KIAA0040: variants seen among roughly 807,000 people sequenced by gnomAD.
KIAA0040 encodes KIAA0040, also known as uncharacterized protein KIAA0040.
KIAA0040 carries 10 observed loss-of-function variants against 7.2 expected under a neutral mutation model. That is an observed-to-expected ratio of 1.38 (90% CI 0.85 to 2.34). KIAA0040 has a LOEUF of 2.34. Ranked by LOEUF, KIAA0040 falls within the 30% of genes most tolerant of loss-of-function variation. KIAA0040 has a pLI of 0.00. For missense variants in KIAA0040, 89 were observed against 108.2 expected (o/e 0.82, Z 0.79); for synonymous variants, 49 against 40.1 (o/e 1.22, Z -0.84).
chr1:175,180,396 C>T (rs575640126), intron 1 of KIAA0040, among the ~76,000 whole-genome samples: 2 of 152,304 alleles, frequency 1.3e-5, no homozygotes, highest in East Asian at 1.9e-4. Context: ...AGGTCTCATA[C>T]CTAATAAAAG....
At chr1:175,185,708 A>G (rs1409250203) in intron 1 of KIAA0040, among the ~76,000 whole-genome samples, 1 of 152,262 alleles carries the variant, frequency 6.6e-6, no homozygotes, top group Admixed American at 6.5e-5. Flanking sequence ...TTTATGCCCA[A>G]AAGAACTGAA....
chr1:175,181,092 T>G (rs538263129), intron 1 of KIAA0040, among the ~76,000 whole-genome samples: 16 of 152,324 alleles, frequency 1.1e-4, no homozygotes, highest in African/African-American at 2.9e-4. Flanking sequence ...CCTGAAGTTA[T>G]CCTCCTGCCT....
In KIAA0040 at chr1:175,157,407, G is replaced by A. The variant is rs1571176227; in HGVS notation, c.*3307C>T. The A allele has an allele frequency of 6.6e-6, 1 of 152,372 alleles. No individual in the cohort carries two copies. Among genetic ancestry groups the A allele is most frequent in the East Asian group, 1.9e-4 (1 of 5,182 alleles). 9.4% of individuals were successfully genotyped at this position (152,372 alleles called of 1,614,324 possible). ...GACCTATGACTCTACCATGGCGAAG[G>A]CGGTGACCAGGGAGGGCTGGGACAT... On this transcript the variant is annotated 3_prime_UTR_variant, in exon 4 of 4. Transcript: ENST00000423313.
At position 175,160,809 on chromosome 1, in the gene KIAA0040, TCTTCTTCTTG is replaced by T. The variant is rs386636937; in HGVS notation, c.195_204del (p.Asn65LysfsTer34). ...TCATCCTTCTTCTTCTTCTTCTTCTTCTTCTTCTTGTTCTTCTCTGGCTGCTGGCCCCTCT... is the reference window on the plus strand; with the variant it reads ...TCATCCTTCTTCTTCTTCTTCTTCTTTTCTTCTCTGGCTGCTGGCCCCTCT... On this transcript the variant is annotated frameshift_variant, in exon 4 of 4. Transcript: ENST00000423313. LOFTEE classifies it high-confidence loss of function. 2 of 1,445,110 alleles carry T rather than the reference TCTTCTTCTTG, an allele frequency of 1.4e-6. No individual in the cohort carries two copies. Among genetic ancestry groups the T allele is most frequent in the Non-Finnish European group, 1.8e-6 (2 of 1,084,588 alleles). The allele number at this position is 1,445,110 out of a possible 1,614,324, so 89.5% of individuals were successfully genotyped here.
intron 1 of KIAA0040, among the ~76,000 whole-genome samples, chr1:175,191,404 T>C (rs1020766347): frequency 1.3e-5 from 2 of 152,352 alleles, no homozygotes; most frequent in South Asian, 4.1e-4. Context: ...ACAACGCATC[T>C]CTTTCCTAAA....
intron 3 of KIAA0040, among the ~76,000 whole-genome samples, chr1:175,165,535 T>C (rs185519881): frequency 6.6e-6 from 1 of 152,334 alleles, no homozygotes; most frequent in Non-Finnish European, 1.5e-5. Flanking sequence ...GAAAAGGTCT[T>C]CAGAAATAAT....
rs1676385260 is a variant in KIAA0040 at position 175,158,461 on chromosome 1, T to C, written c.*2253A>G. On this transcript the variant is annotated 3_prime_UTR_variant, in exon 4 of 4. Transcript: ENST00000423313. The stretch of plus-strand genomic sequence containing the variant: ...GGTCCCGGATCCCGGTGATCCGCCC[T>C]CCTAGATCATATCTGACACTACGTC... The C allele has an allele frequency of 1.3e-5, 2 of 152,176 alleles. No homozygotes were observed. The highest frequency in any genetic ancestry group is 2.4e-5 in the African/African-American group (1 of 41,418). 9.4% of individuals were successfully genotyped at this position (152,176 alleles called of 1,614,324 possible). A position where few individuals can be genotyped will look rare whatever the true frequency, so the allele number is the denominator to read the frequency against.
chr1:175,166,382 T>C (rs1676764403), intron 3 of KIAA0040, among the ~76,000 whole-genome samples, 180 bp downstream of exon 3: 1 of 152,156 alleles, frequency 6.6e-6, no homozygotes, highest in Admixed American at 6.5e-5. Context: ...TTCAGTCGGG[T>C]CTAGGATGGG....
At chr1:175,161,206 A>G (rs1676529799) in intron 3 of KIAA0040, 60 bp from the exon 4 acceptor site, 1 of 520,332 alleles carries the variant, frequency 1.9e-6, no homozygotes, top group Non-Finnish European at 3.4e-6. Context: ...TACAATTTTA[A>G]TAGTGTCATA....
At chr1:175,191,882 G>T (rs901551423) in intron 1 of KIAA0040, among the ~76,000 whole-genome samples, 3 of 152,152 alleles carry the variant, frequency 2.0e-5, no homozygotes, top group Admixed American at 2.0e-4. Flanking sequence ...GCTGGCTGCC[G>T]GTGTTCTGTT....
In KIAA0040 at chr1:175,157,309, C is replaced by T. The variant is rs1330962809; in HGVS notation, c.*3405G>A. On this transcript the variant is annotated 3_prime_UTR_variant, in exon 4 of 4. Coordinates refer to ENST00000423313, the MANE Select transcript of KIAA0040 (RefSeq NM_014656.3). The stretch of plus-strand genomic sequence containing the variant: ...AGTATATTTTTCCTGTAGCTGGCAC[C>T]TTTGAGGGAGTCTGGTCTCCAAGGC... The T allele has an allele frequency of 6.6e-6, 1 of 152,180 alleles. No homozygotes were observed. The highest frequency in any genetic ancestry group is 2.4e-5 in the African/African-American group (1 of 41,434). The allele number at this position is 152,180 out of a possible 1,614,324, so 9.4% of individuals were successfully genotyped here.
At chr1:175,181,066 G>A (rs1207423749) in intron 1 of KIAA0040, among the ~76,000 whole-genome samples, 1 of 151,718 alleles carries the variant, frequency 6.6e-6, no homozygotes, top group African/African-American at 2.4e-5. Context: ...TGCCCAGGCT[G>A]GTCTTGAACT....
chr1:175,158,959 A>G lies in KIAA0040; in HGVS notation c.*1755T>C, dbSNP rs1676410492. The G allele has an allele frequency of 6.6e-6, 1 of 152,200 alleles. No homozygotes were observed. The highest frequency in any genetic ancestry group is 2.1e-4 in the South Asian group (1 of 4,830). The allele number at this position is 152,200 out of a possible 1,614,324, so 9.4% of individuals were successfully genotyped here. A position where few individuals can be genotyped will look rare whatever the true frequency, so the allele number is the denominator to read the frequency against. The stretch of plus-strand genomic sequence containing the variant: ...AGCAGCCCAAGTGAGCAAATAGAAT[A>G]TATCTTTCCTTTAATGCAATCTTAT... On this transcript the variant is annotated 3_prime_UTR_variant, in exon 4 of 4. Transcript: ENST00000423313.
At chr1:175,178,971 G>A (rs369852268) in intron 1 of KIAA0040, among the ~76,000 whole-genome samples, 1 of 10,290 alleles carries the variant, frequency 9.7e-5, no homozygotes, top group African/African-American at 2.9e-4. Flanking sequence ...GGGACGGGGC[G>A]GGGGGGGGGA....
intron 1 of KIAA0040, among the ~76,000 whole-genome samples, chr1:175,178,970 C>CGG (rs5778839): frequency 8.7e-4 from 109 of 125,866 alleles, no homozygotes; most frequent in African/African-American, 3.2e-3. Flanking sequence ...GGGGACGGGG[C>CGG]GGGGGGGGGG....
Position 175,159,300 on chromosome 1 carries a change from T to G in KIAA0040, c.*1414A>C. On this transcript the variant is annotated 3_prime_UTR_variant, in exon 4 of 4. Transcript: ENST00000423313. ...TCTAATTTACATGTCCTCACATACC[T>G]CAAGGCACATGTGTCACCTACATGT... 6.6e-6 allele frequency: 1 copy of G among 152,346 alleles called. No homozygotes were observed. 9.4% of individuals were successfully genotyped at this position (152,346 alleles called of 1,614,324 possible). A position where few individuals can be genotyped will look rare whatever the true frequency, so the allele number is the denominator to read the frequency against.
Position 175,160,933 on chromosome 1 carries a change from G to A in KIAA0040, c.81C>T (p.Ile27=), listed in dbSNP as rs1261178239. 1.9e-6 allele frequency: 3 copies of A among 1,551,570 alleles called. No individual in the cohort carries two copies. Residue 27 remains isoleucine (I), a synonymous_variant, in exon 4 of 4, where the codon ATC becomes ATT. Transcript: ENST00000423313. ...TKHQEGIYNT[I]CLGVLLGLPL... ...GCAGGCCCAGGAGGACTCCCAGGCAGATGGTGTTGTAGATGCCTTCTTGGT... is the reference window on the plus strand; with the variant it reads ...GCAGGCCCAGGAGGACTCCCAGGCAAATGGTGTTGTAGATGCCTTCTTGGT...
chr1:175,184,925 G>A (rs539813859), intron 1 of KIAA0040, among the ~76,000 whole-genome samples: 1 of 152,334 alleles, frequency 6.6e-6, no homozygotes, highest in South Asian at 2.1e-4. Flanking sequence ...CTGAGAAACA[G>A]AATGGCTTCT....
At chr1:175,191,806 T>C (rs1338334508) in intron 1 of KIAA0040, among the ~76,000 whole-genome samples, 3 of 152,208 alleles carry the variant, frequency 2.0e-5, no homozygotes, top group Non-Finnish European at 4.4e-5. Context: ...GATGCTCCAG[T>C]GGTCTTTTCC....
Sources: allele counts gnomAD v4.1 joint callset (sites outside exome capture counted in the v4.1 genomes callset), GRCh38; gene constraint gnomAD v4.1.1; transcripts MANE v1.5; gene names NCBI Gene and HGNC (gene_info 2026-07-23, HGNC 2026-07-21).